Variants in SLCO3A1 observed in about 807,000 individuals in gnomAD.
SLCO3A1 encodes PGE1 transporter.
SLCO3A1 carries 27 observed loss-of-function variants against 63.1 expected under a neutral mutation model. That is an observed-to-expected ratio of 0.43 (90% CI 0.32 to 0.59). The LOEUF (loss-of-function observed/expected upper bound fraction) is 0.59, where lower values mean the gene tolerates loss of function less well. Among genes scored for constraint, SLCO3A1 ranks in the 20% least tolerant of loss-of-function variants. The pLI, the probability that SLCO3A1 is intolerant of heterozygous loss-of-function variation, is 0.09. For synonymous variants in SLCO3A1, 473 were observed against 409.9 expected (o/e 1.15, Z -1.86); for missense variants, 773 against 945.8 (o/e 0.82, Z 2.40).
intron 2 of SLCO3A1, among the ~76,000 whole-genome samples, chr15:92,083,209 T>C (rs1410181745): frequency 2.0e-5 from 3 of 152,202 alleles, no homozygotes; most frequent in Non-Finnish European, 2.9e-5. Context: ...TTCCTCGAAG[T>C]TGAGTCAAGC....
At chr15:92,135,555 G>C (rs1038049452) in intron 7 of SLCO3A1, among the ~76,000 whole-genome samples, 2 of 152,162 alleles carry the variant, frequency 1.3e-5, no homozygotes, top group Non-Finnish European at 2.9e-5. Flanking sequence ...AGATCTGAGG[G>C]TTATGTCTGG....
At chr15:91,939,883 A>G (rs1214805936) in intron 2 of SLCO3A1, among the ~76,000 whole-genome samples, 1 of 152,004 alleles carries the variant, frequency 6.6e-6, no homozygotes, top group Non-Finnish European at 1.5e-5. Flanking sequence ...AGTTCTTCCC[A>G]CGGGCCAGAC....
chr15:91,911,904 C>T (rs925460075), intron 1 of SLCO3A1, among the ~76,000 whole-genome samples: 31 of 152,074 alleles, frequency 2.0e-4, no homozygotes, highest in African/African-American at 6.8e-4. Flanking sequence ...GGATTACAGT[C>T]GTGAGCCACT....
Position 92,159,567 on chromosome 15 carries a change from G to GTTTTT in SLCO3A1, c.1754-3177_1754-3173dup, listed in dbSNP as rs11455940. Among the ~76,000 whole-genome samples the GTTTTT allele has an allele frequency of 5.5e-3, 764 of 137,826 alleles. 8 individuals are homozygous for GTTTTT. The highest frequency in any genetic ancestry group is 7.5e-3 in the Non-Finnish European group (489 of 65,098). The allele number at this position is 137,826 out of a possible 152,430, so 90.4% of individuals were successfully genotyped here. On this transcript the variant is annotated intron_variant, in intron 9 of 9. Coordinates refer to ENST00000318445, the MANE Select transcript of SLCO3A1 (RefSeq NM_013272.4). ...AGCATAGCATGAAAAACTTTGGTAG[G>GTTTTT]TTTTTTTTTTTTTTTTGGAGATAGG...
intron 2 of SLCO3A1, among the ~76,000 whole-genome samples, chr15:92,067,690 G>T (rs1301037457): frequency 6.6e-6 from 1 of 152,254 alleles, no homozygotes; most frequent in Non-Finnish European, 1.5e-5. Context: ...AGAAGCGTCA[G>T]TGCAGACTAC....
intron 7 of SLCO3A1, among the ~76,000 whole-genome samples, chr15:92,129,576 C>T (rs763150150): frequency 1.3e-5 from 2 of 152,144 alleles, no homozygotes; most frequent in Non-Finnish European, 2.9e-5. Context: ...GTCATCTGCT[C>T]TGGTCTTTGG....
In SLCO3A1 at chr15:91,886,268, C is replaced by T. The variant is rs1304251071; in HGVS notation, c.181-29725C>T. Among the ~76,000 whole-genome samples the T allele has an allele frequency of 6.6e-6, 1 of 152,208 alleles. No homozygotes were observed. Among genetic ancestry groups the T allele is most frequent in the Non-Finnish European group, 1.5e-5 (1 of 68,036 alleles). ...AGCTTAGAGGATTGTATCTTTTTCT[C>T]ACCAGCTAACTCTTACTAATTAGAA... is the stretch of plus-strand genomic sequence containing the variant. On this transcript the variant is annotated intron_variant, in intron 1 of 9. Transcript: ENST00000318445. The surrounding 1 kb of genome is among the most constrained non-coding windows in gnomAD (Gnocchi z 4.9).
At position 92,163,251 on chromosome 15, in the gene SLCO3A1, GCA is replaced by G. The variant is rs758435647; in HGVS notation, c.*124_*125del. The G allele has an allele frequency of 7.1e-7, 1 of 1,399,214 alleles. No homozygotes were observed. The highest frequency in any genetic ancestry group is 2.6e-5 in the East Asian group (1 of 37,872). 86.7% of individuals were successfully genotyped at this position (1,399,214 alleles called of 1,614,324 possible). A position where few individuals can be genotyped will look rare whatever the true frequency, so the allele number is the denominator to read the frequency against. On this transcript the variant is annotated 3_prime_UTR_variant, in exon 10 of 10. Coordinates refer to ENST00000318445, the MANE Select transcript of SLCO3A1 (RefSeq NM_013272.4). ...TCAGTACACACACACAGGCACAGAT[GCA>G]CACACACGCAGACAGACACACCGAC...
At chr15:91,936,936 T>C (rs1899433860) in intron 2 of SLCO3A1, among the ~76,000 whole-genome samples, 1 of 152,248 alleles carries the variant, frequency 6.6e-6, no homozygotes, top group African/African-American at 2.4e-5. Context: ...ATGGGGCACA[T>C]AAGGCTTTCC....
In SLCO3A1 at chr15:91,853,793, C is replaced by A. The variant is rs1896836838; in HGVS notation, c.-116C>A. The A allele has an allele frequency of 2.0e-6, 2 of 1,010,354 alleles. No homozygotes were observed. Among genetic ancestry groups the A allele is most frequent in the Non-Finnish European group, 2.4e-6 (2 of 831,962 alleles). 62.6% of individuals were successfully genotyped at this position (1,010,354 alleles called of 1,614,324 possible). ...AGGACGGGGGCGGCCGCCGCGAACC[C>A]GGGGCGGGGACAGCACGCAGCCTCG... On this transcript the variant is annotated 5_prime_UTR_variant, in exon 1 of 10. Transcript: ENST00000318445.
intron 3 of SLCO3A1, 30 bp from the exon 4 acceptor site, chr15:92,104,249 T>A (rs1043191330): frequency 3.7e-6 from 6 of 1,608,410 alleles, no homozygotes; most frequent in Non-Finnish European, 5.1e-6. Flanking sequence ...CCTTCTTTTC[T>A]CCACTAAGCT....
At chr15:91,935,975 C>G (rs1899398826) in intron 2 of SLCO3A1, among the ~76,000 whole-genome samples, 1 of 152,172 alleles carries the variant, frequency 6.6e-6, no homozygotes, top group Non-Finnish European at 1.5e-5. Context: ...TGCTTAAGCC[C>G]TTCCTAACAT....
chr15:91,932,949 G>C (rs1899286988), intron 2 of SLCO3A1, among the ~76,000 whole-genome samples: 1 of 152,038 alleles, frequency 6.6e-6, no homozygotes, highest in African/African-American at 2.4e-5. Flanking sequence ...CATGGCCTTG[G>C]GGGTGGTGAT....
At position 91,854,144 on chromosome 15, in the gene SLCO3A1, G is replaced by T; in HGVS notation, c.180+56G>T. On this transcript the variant is annotated intron_variant, in intron 1 of 9. Coordinates refer to ENST00000318445, the MANE Select transcript of SLCO3A1 (RefSeq NM_013272.4). The surrounding 1 kb of genome is among the most constrained non-coding windows in gnomAD (Gnocchi z 6.4). ...CCCTTCCCCAGCCCGGCTCTCGAGCGGCCGCCTGGCCCGACGAGGGGGCCG... is the reference window on the plus strand; with the variant it reads ...CCCTTCCCCAGCCCGGCTCTCGAGCTGCCGCCTGGCCCGACGAGGGGGCCG... 7.6e-7 allele frequency: 1 copy of T among 1,320,002 alleles called. No individual in the cohort carries two copies. The highest frequency in any genetic ancestry group is 9.8e-7 in the Non-Finnish European group (1 of 1,024,772). 81.8% of individuals were successfully genotyped at this position (1,320,002 alleles called of 1,614,324 possible). A position where few individuals can be genotyped will look rare whatever the true frequency, so the allele number is the denominator to read the frequency against.
At chr15:91,892,641 A>G (rs1375680468) in intron 1 of SLCO3A1, among the ~76,000 whole-genome samples, 1 of 152,192 alleles carries the variant, frequency 6.6e-6, no homozygotes, top group Non-Finnish European at 1.5e-5. Context: ...GTGCCAAGCA[A>G]GCTCCTTGGT....
intron 2 of SLCO3A1, among the ~76,000 whole-genome samples, chr15:92,029,868 T>C (rs1201570292): frequency 7.1e-6 from 1 of 140,900 alleles, no homozygotes; most frequent in Non-Finnish European, 1.5e-5. Context: ...AAAAGATCTA[T>C]GATTCAATCA....
At chr15:91,959,221 T>C (rs1221967264) in intron 2 of SLCO3A1, among the ~76,000 whole-genome samples, 2 of 151,990 alleles carry the variant, frequency 1.3e-5, no homozygotes, top group African/African-American at 4.8e-5. Flanking sequence ...GGAGCTAAGC[T>C]ATGAGGACAC....
Position 91,898,945 on chromosome 15 carries a change from C to T in SLCO3A1, c.181-17048C>T, listed in dbSNP as rs184216085. 1.8e-3 allele frequency among the ~76,000 whole-genome samples: 278 copies of T among 152,142 alleles called. 1 individual carries two copies. Among genetic ancestry groups the T allele is most frequent in the African/African-American group, 6.4e-3 (267 of 41,480 alleles). On this transcript the variant is annotated intron_variant, in intron 1 of 9. Coordinates refer to ENST00000318445, the MANE Select transcript of SLCO3A1 (RefSeq NM_013272.4). ...TATCACCCAGTCACAACAAATAATGCGTAAAATGAAACTCTTTAGTTCTGT... is the reference window on the plus strand; with the variant it reads ...TATCACCCAGTCACAACAAATAATGTGTAAAATGAAACTCTTTAGTTCTGT...
intron 6 of SLCO3A1, 68 bp downstream of exon 6, chr15:92,126,327 G>A: frequency 7.4e-7 from 1 of 1,354,882 alleles, no homozygotes; most frequent in Non-Finnish European, 1.1e-6. Flanking sequence ...CTCTGCAGTA[G>A]GTTGAGGGAA....
Sources: gnomAD v4.1 joint callset for allele counts (sites outside exome capture counted in the v4.1 genomes callset) on GRCh38, gnomAD v4.1.1 for gene constraint, Gnocchi (gnomAD v3.1) non-coding constraint, MANE v1.5 for transcripts, NCBI Gene and HGNC (gene_info 2026-07-23, HGNC 2026-07-21) for gene names.